The following CADM2 variants were observed in gnomAD, a reference collection of about 807,000 sequenced individuals.
The protein encoded by CADM2 is immunoglobulin superfamily member 4D.
In CADM2, 12 loss-of-function variants were observed where a neutral mutation model predicts 49.8. The ratio of observed to expected loss-of-function variants is 0.24; its 90% CI spans 0.15 to 0.39. The LOEUF (loss-of-function observed/expected upper bound fraction) is 0.39. CADM2 is among the 10% of genes least tolerant of loss of function. The pLI, the probability that CADM2 is intolerant of heterozygous loss-of-function variation, is 1.00. For synonymous variants in CADM2, 214 were observed against 175.4 expected (o/e 1.22, Z -1.74); for missense variants, 378 against 492.3 (o/e 0.77, Z 2.20).
At chr3:85,581,911 TTTTTG>T (rs146275697) in intron 1 of CADM2, among the ~76,000 whole-genome samples, 79,724 of 150,148 alleles carry the variant, frequency 0.53, 24,282 homozygotes, top group East Asian at 0.93. Flanking sequence ...TTTGAAGTGT[TTTTTG>T]TTTTGTTTTG....
chr3:85,121,258 A>G (rs1306918069), intron 1 of CADM2, among the ~76,000 whole-genome samples: 3 of 152,244 alleles, frequency 2.0e-5, no homozygotes, highest in African/African-American at 7.2e-5. Flanking sequence ...TGAGCAAAGT[A>G]TAACTTTGGT....
chr3:85,817,915 G>A (rs2073316132), intron 3 of CADM2, among the ~76,000 whole-genome samples: 1 of 152,078 alleles, frequency 6.6e-6, no homozygotes, highest in Non-Finnish European at 1.5e-5. Context: ...TTATCAGAAT[G>A]TGTTTTGAGA....
intron 5 of CADM2, among the ~76,000 whole-genome samples, chr3:85,888,009 A>C (rs1713906858): frequency 6.6e-6 from 1 of 152,158 alleles, no homozygotes; most frequent in East Asian, 1.9e-4. Context: ...CTTTTGTGTG[A>C]AGGTCTTGGC....
intron 1 of CADM2, among the ~76,000 whole-genome samples, chr3:85,084,787 T>A (rs2037307794): frequency 6.6e-6 from 1 of 152,168 alleles, no homozygotes; most frequent in South Asian, 2.1e-4. Context: ...AATGAATGGA[T>A]TAATCAACAA....
chr3:85,703,334 CT>C (rs1462742832), intron 1 of CADM2, among the ~76,000 whole-genome samples: 2 of 152,006 alleles, frequency 1.3e-5, no homozygotes, highest in Non-Finnish European at 2.9e-5. Flanking sequence ...CACTCTACTT[CT>C]TGATGATTAG....
intron 1 of CADM2, among the ~76,000 whole-genome samples, chr3:85,301,356 G>C (rs2044096612): frequency 6.6e-6 from 1 of 151,992 alleles, no homozygotes; most frequent in South Asian, 2.1e-4. Flanking sequence ...GTGTTTCCCA[G>C]TGCCTCGGGA....
intron 2 of CADM2, among the ~76,000 whole-genome samples, chr3:85,792,241 T>G (rs2071379125): frequency 6.6e-6 from 1 of 152,174 alleles, no homozygotes; most frequent in African/African-American, 2.4e-5. Context: ...ATTAACTAAT[T>G]TTGTAGATTA....
In CADM2 at chr3:85,935,789, A is replaced by G. The variant is rs374727116; in HGVS notation, c.723A>G (p.Ile241Met). 1.6e-5 allele frequency: 26 copies of G among 1,604,926 alleles called. No individual in the cohort carries two copies. In the African/African-American group the frequency reaches 3.5e-4, roughly 22 times the overall value. Reference sequence around the variant, plus strand: ...TAGATACACCATCAGTTAAGATTATACCATCGACTCCTTTTCCACAAGAAG... The same window carrying G: ...TAGATACACCATCAGTTAAGATTATGCCATCGACTCCTTTTCCACAAGAAG... ...EIHYTPSVKI[I>M]PSTPFPQEGQ... The change falls in exon 7 of 10, where the codon ATA (isoleucine) becomes ATG (methionine). Residue 241 changes from isoleucine to methionine, a missense_variant. Ile to Met is a conservative substitution (Grantham distance 10). Transcript: ENST00000383699.
In CADM2 at chr3:85,169,413, A is replaced by G. The variant is rs577574337; in HGVS notation, c.61+209745A>G. On this transcript the variant is annotated intron_variant, in intron 1 of 9. Transcript: ENST00000383699. ...GTCCTCTTCTCAGTTTAATCCTTCT[A>G]GTAAATTAAATGTATTATCTGTAAA... Among the ~76,000 whole-genome samples, 12 of 152,314 alleles carry G rather than the reference A, an allele frequency of 7.9e-5. No homozygotes were observed. In the South Asian group the frequency reaches 2.5e-3, roughly 32 times the overall value.
chr3:85,879,194 C>A (rs1200070572), intron 3 of CADM2, among the ~76,000 whole-genome samples: 1 of 151,872 alleles, frequency 6.6e-6, no homozygotes, highest in South Asian at 2.1e-4. Context: ...TTTCCTCTGG[C>A]AGCTAAACAA....
chr3:85,285,348 C>T (rs557383495), intron 1 of CADM2, among the ~76,000 whole-genome samples: 5 of 152,076 alleles, frequency 3.3e-5, no homozygotes, highest in Admixed American at 6.6e-5. Flanking sequence ...TGTCGAGTAT[C>T]GATAGGTAGT....
At chr3:86,039,240 C>T (rs1341841541) in intron 8 of CADM2, among the ~76,000 whole-genome samples, 3 of 151,936 alleles carry the variant, frequency 2.0e-5, no homozygotes. Flanking sequence ...GGGTGCAGTG[C>T]ACTGAGCATG....
At chr3:85,373,634 G>T (rs1414286078) in intron 1 of CADM2, among the ~76,000 whole-genome samples, 1 of 152,174 alleles carries the variant, frequency 6.6e-6, no homozygotes, top group African/African-American at 2.4e-5. Flanking sequence ...CTCCATGAGG[G>T]TTCCACCCCT....
chr3:85,996,224 T>C (rs1729395174), intron 8 of CADM2, among the ~76,000 whole-genome samples: 1 of 150,966 alleles, frequency 6.6e-6, no homozygotes. Context: ...ACAATGCCAC[T>C]AAGAATCATT....
intron 1 of CADM2, among the ~76,000 whole-genome samples, chr3:85,449,531 T>A (rs1008721384): frequency 6.6e-6 from 1 of 151,564 alleles, no homozygotes; most frequent in African/African-American, 2.4e-5. Context: ...GGTCTTTTTT[T>A]GACGTAGTAT....
At chr3:85,948,659 A>G (rs181353445) in intron 7 of CADM2, among the ~76,000 whole-genome samples, 351 of 151,520 alleles carry the variant, frequency 2.3e-3, no homozygotes, top group Admixed American at 5.7e-3. Context: ...TGTAACCTCA[A>G]TCCAGGTATA....
intron 1 of CADM2, among the ~76,000 whole-genome samples, chr3:85,602,070 A>G (rs1297290892): frequency 6.6e-6 from 1 of 151,840 alleles, no homozygotes; most frequent in East Asian, 1.9e-4. Flanking sequence ...AATTAAAAGC[A>G]ATTATCATTA....
At chr3:85,893,439 A>G (rs570197034) in intron 5 of CADM2, among the ~76,000 whole-genome samples, 1 of 152,222 alleles carries the variant, frequency 6.6e-6, no homozygotes, top group Non-Finnish European at 1.5e-5. Context: ...GGCATGGGCA[A>G]GGGCTTCATG....
At chr3:85,948,691 C>G (rs982452369) in intron 7 of CADM2, among the ~76,000 whole-genome samples, 1 of 150,980 alleles carries the variant, frequency 6.6e-6, no homozygotes, top group South Asian at 2.1e-4. Context: ...CGTATAGAAG[C>G]TTCTAAATTT....
Sources: gnomAD v4.1 joint callset for allele counts (sites outside exome capture counted in the v4.1 genomes callset) on GRCh38, gnomAD v4.1.1 for gene constraint, MANE v1.5 for transcripts, NCBI Gene and HGNC (gene_info 2026-07-23, HGNC 2026-07-21) for gene names.